CELF6: variants seen among roughly 807,000 people sequenced by gnomAD.
CELF6 encodes Bruno -like 6, RNA binding protein.
In CELF6, 32 loss-of-function variants were observed where a neutral mutation model predicts 53.1. The ratio of observed to expected loss-of-function variants is 0.60; its 90% CI spans 0.46 to 0.81. The LOEUF (loss-of-function observed/expected upper bound fraction) is 0.81, where lower values mean the gene tolerates loss of function less well. Among genes scored for constraint, CELF6 ranks in the 30% least tolerant of loss-of-function variants. The pLI is 0.00. For missense variants in CELF6, 539 were observed against 669.5 expected, an observed-to-expected ratio of 0.81 and a Z score of 2.15; for synonymous variants, 291 against 288.8, an observed-to-expected ratio of 1.01 and a Z score of -0.08.
At chr15:72,292,299 T>C in intron 3 of CELF6, 2 of 1,446,440 alleles carry the variant, frequency 1.4e-6, no homozygotes, top group Non-Finnish European at 1.9e-6. Flanking sequence ...CATGAGTCTC[T>C]CAACCAATCT....
In CELF6 at chr15:72,289,681, G is replaced by T; in HGVS notation, c.693C>A (p.Gly231=). 3 of 1,491,010 alleles carry T rather than the reference G, an allele frequency of 2.0e-6. No individual in the cohort carries two copies. The highest frequency in any genetic ancestry group is 2.7e-6 in the Non-Finnish European group (3 of 1,130,164). 92.4% of individuals were successfully genotyped at this position (1,491,010 alleles called of 1,614,324 possible). The change falls in exon 6 of 13, where the codon GGC becomes GGA. Residue 231 remains glycine, a synonymous_variant. Coordinates refer to ENST00000287202, the MANE Select transcript of CELF6 (RefSeq NM_052840.5). This position sits in a 1 kb window ranked among gnomAD's most constrained non-coding sequence, Gnocchi z 7.6. ...GCGGCAGTGGCGCGGGGTGGAAGGC[G>T]CCCAGGTGGCCGGCCATCTGCTGCA... ...RRMQQMAGHL[G]AFHPAPLPLG...
chr15:72,289,078 C>G lies in CELF6; in HGVS notation c.1030+60G>C, dbSNP rs932541742. 1 of 1,378,894 alleles carries G rather than the reference C, an allele frequency of 7.3e-7. No homozygotes were observed. Among genetic ancestry groups the G allele is most frequent in the Non-Finnish European group, 9.7e-7 (1 of 1,029,096 alleles). 85.4% of individuals were successfully genotyped at this position (1,378,894 alleles called of 1,614,324 possible). ...TCTTCCCAGGGAAGCCAGGCCCTAA[C>G]CCCCCACCCCCCGCTCCCCACTCCA... On this transcript the variant is annotated intron_variant, in intron 8 of 12. Coordinates refer to ENST00000287202, the MANE Select transcript of CELF6 (RefSeq NM_052840.5). This position sits in a 1 kb window ranked among gnomAD's most constrained non-coding sequence, Gnocchi z 7.6.
intron 3 of CELF6, among the ~76,000 whole-genome samples, chr15:72,304,371 A>T (rs1194700087): frequency 6.6e-6 from 1 of 152,190 alleles, no homozygotes; most frequent in African/African-American, 2.4e-5. Flanking sequence ...TTCTGATATC[A>T]GAAGGATATG....
At chr15:72,294,708 T>C (rs2088052013) in intron 3 of CELF6, among the ~76,000 whole-genome samples, 3 of 152,242 alleles carry the variant, frequency 2.0e-5, no homozygotes. Flanking sequence ...GCCAGCACGG[T>C]GGCTCACGCC....
chr15:72,314,058 G>A (rs1255558776), intron 2 of CELF6, among the ~76,000 whole-genome samples: 3 of 152,184 alleles, frequency 2.0e-5, no homozygotes, highest in Non-Finnish European at 4.4e-5. Context: ...TCTGACTCAG[G>A]AGCTTGCATA....
chr15:72,298,063 AC>A (rs1306853217), intron 3 of CELF6, among the ~76,000 whole-genome samples: 6 of 152,224 alleles, frequency 3.9e-5, no homozygotes, highest in African/African-American at 1.4e-4. Flanking sequence ...AACAGGTATG[AC>A]TGTCAACTGA....
At position 72,315,875 on chromosome 15, in the gene CELF6, A is replaced by G. The variant is rs1342517288; in HGVS notation, c.315T>C (p.Ser105=). 3.1e-6 allele frequency: 5 copies of G among 1,606,978 alleles called. No individual in the cohort carries two copies. In the South Asian group the frequency reaches 4.5e-5, roughly 14 times the overall value. ...GCAGGGTCTTCTGCTCGTGCAGTGC[A>G]CTCTGGGCCTTGAGAGCAGAGTCCC... ...CARDSALKAQ[S]ALHEQKTLPG... The change falls in exon 2 of 13, where the codon AGT becomes AGC. Residue 105 remains serine, a synonymous_variant. Transcript: ENST00000287202.
chr15:72,306,247 G>A (rs1293473705), intron 2 of CELF6: 2 of 985,122 alleles, frequency 2.0e-6, no homozygotes, highest in Non-Finnish European at 2.4e-6. Flanking sequence ...TTATTGTTGG[G>A]GGGCAGGCAG....
At chr15:72,287,426 C>G in intron 11 of CELF6, 34 bp from the exon 12 acceptor site, 1 of 1,612,058 alleles carries the variant, frequency 6.2e-7, no homozygotes, top group Non-Finnish European at 8.5e-7. Context: ...TAGCTGGGGA[C>G]TCTGCCTAGC....
At position 72,288,732 on chromosome 15, in the gene CELF6, CAA is replaced by C; in HGVS notation, c.1094-116_1094-115del. 7.3e-7 allele frequency: 1 copy of C among 1,369,788 alleles called. No individual in the cohort carries two copies. Among genetic ancestry groups the C allele is most frequent in the Non-Finnish European group, 1.0e-6 (1 of 979,756 alleles). The allele number at this position is 1,369,788 out of a possible 1,614,324, so 84.9% of individuals were successfully genotyped here. ...GCCCAGTCCACCATAACCCTCACCC[CAA>C]GAGAGGTCGTTCTGGGGGTAGGAGG... On this transcript the variant is annotated intron_variant, in intron 9 of 12. Transcript: ENST00000287202. The surrounding 1 kb of genome is among the most constrained non-coding windows in gnomAD (Gnocchi z 4.6).
At chr15:72,293,291 C>T (rs1006616332) in intron 3 of CELF6, among the ~76,000 whole-genome samples, 6 of 152,088 alleles carry the variant, frequency 3.9e-5, no homozygotes, top group Non-Finnish European at 8.8e-5. Flanking sequence ...TTAAGAGACC[C>T]GGCCAAAGAG....
chr15:72,315,117 A>G (rs1384333230), intron 2 of CELF6, among the ~76,000 whole-genome samples: 1 of 152,222 alleles, frequency 6.6e-6, no homozygotes, highest in Non-Finnish European at 1.5e-5. Flanking sequence ...TGTGAATGGC[A>G]TTTAAACAGT....
intron 2 of CELF6, among the ~76,000 whole-genome samples, chr15:72,308,406 T>C (rs900331163): frequency 1.3e-5 from 2 of 152,008 alleles, no homozygotes; most frequent in Non-Finnish European, 2.9e-5. Context: ...TTTGTATTTT[T>C]AGTAAAGACG....
Position 72,319,034 on chromosome 15 carries a change from T to C in CELF6, c.262+579A>G, listed in dbSNP as rs979549083. Among the ~76,000 whole-genome samples, 11 of 151,762 alleles carry C rather than the reference T, an allele frequency of 7.2e-5. No homozygotes were observed. The highest frequency in any genetic ancestry group is 2.4e-4 in the African/African-American group (10 of 41,258). ...AGAGCCTCCTGGGAATTGAATTGGA[T>C]TTTGTGTTAGACAGGTCTGGGTTCT... On this transcript the variant is annotated intron_variant, in intron 1 of 12. Transcript: ENST00000287202. The surrounding 1 kb of genome is among the most constrained non-coding windows in gnomAD (Gnocchi z 5.0).
chr15:72,306,198 T>G, intron 2 of CELF6: 3 of 981,040 alleles, frequency 3.1e-6, no homozygotes, highest in Non-Finnish European at 3.6e-6. Flanking sequence ...AAAAGGTCTT[T>G]GTAAACTGCC....
intron 2 of CELF6, among the ~76,000 whole-genome samples, chr15:72,308,745 AC>A (rs58942756): frequency 0.014 from 2,194 of 151,762 alleles, 54 homozygotes; most frequent in African/African-American, 0.05. Context: ...TCACTCTATC[AC>A]CCAGGTTGGA....
Position 72,290,110 on chromosome 15 carries a change from G to A in CELF6, c.523+17C>T. The A allele has an allele frequency of 1.2e-6, 2 of 1,613,384 alleles. No individual in the cohort carries two copies. The highest frequency in any genetic ancestry group is 1.7e-6 in the Non-Finnish European group (2 of 1,179,548). ...GAGGAAGGGTCACCAGGAAATCCCG[G>A]GGTCAGCTCAGGTCACCTTTACTGG... On this transcript the variant is annotated intron_variant, in intron 4 of 12. Transcript: ENST00000287202.
intron 3 of CELF6, among the ~76,000 whole-genome samples, chr15:72,298,136 T>C (rs1184582901): frequency 6.6e-6 from 1 of 152,234 alleles, no homozygotes; most frequent in Non-Finnish European, 1.5e-5. Context: ...TATGTCCCAG[T>C]ACTATGAAAT....
At position 72,285,838 on chromosome 15, in the gene CELF6, C is replaced by T. The variant is rs1188836480; in HGVS notation, c.*533G>A. 6.6e-6 allele frequency: 1 copy of T among 152,594 alleles called. No homozygotes were observed. The highest frequency in any genetic ancestry group is 2.4e-5 in the African/African-American group (1 of 41,424). 9.5% of individuals were successfully genotyped at this position (152,594 alleles called of 1,614,324 possible). ...AGACACAGAACAATCTTTCCACAGC[C>T]CCCATCTGCCTAGGCTGGGGCTGTC... is the stretch of plus-strand genomic sequence containing the variant. On this transcript the variant is annotated 3_prime_UTR_variant, in exon 13 of 13. Transcript: ENST00000287202.
Sources: allele counts gnomAD v4.1 joint callset (sites outside exome capture counted in the v4.1 genomes callset), GRCh38; gene constraint gnomAD v4.1.1; non-coding constraint Gnocchi (gnomAD v3.1); transcripts MANE v1.5; gene names NCBI Gene and HGNC (gene_info 2026-07-23, HGNC 2026-07-21).